GALNT17: variants seen among roughly 807,000 people sequenced by gnomAD.
The protein encoded by GALNT17 is polypeptide N-acetylgalactosaminyltransferase 17, also known as UDP-GalNAc:polypeptide N-acetylgalactosaminyltransferase-like 3.
Under a neutral mutation model 63.7 loss-of-function variants are expected in GALNT17, and 29 were observed. The observed-to-expected ratio is 0.46, with a 90% CI of 0.34 to 0.62. The LOEUF (loss-of-function observed/expected upper bound fraction) is 0.62. Among genes scored for constraint, GALNT17 ranks in the 20% least tolerant of loss-of-function variants. GALNT17 has a pLI of 0.01. For missense variants in GALNT17, 603 were observed against 799.6 expected (o/e 0.75, Z 2.97); for synonymous variants, 305 against 318.3 (o/e 0.96, Z 0.45).
At chr7:71,253,769 T>C (rs186401308) in intron 1 of GALNT17, among the ~76,000 whole-genome samples, 2 of 152,280 alleles carry the variant, frequency 1.3e-5, no homozygotes, top group African/African-American at 4.8e-5. Flanking sequence ...ACTCTGATTC[T>C]AAAAAATTTC....
At chr7:71,204,331 T>C (rs1440134754) in intron 1 of GALNT17, among the ~76,000 whole-genome samples, 1 of 152,172 alleles carries the variant, frequency 6.6e-6, no homozygotes, top group Non-Finnish European at 1.5e-5. Flanking sequence ...TCAGGTAGTG[T>C]GATGCCTCCA....
At chr7:71,395,965 C>G (rs1793131274) in intron 3 of GALNT17, among the ~76,000 whole-genome samples, 1 of 152,094 alleles carries the variant, frequency 6.6e-6, no homozygotes, top group Admixed American at 6.5e-5. Context: ...ATTATTGACT[C>G]ATAATTATTC....
At chr7:71,329,754 C>T (rs1213748074) in intron 1 of GALNT17, among the ~76,000 whole-genome samples, 1 of 151,894 alleles carries the variant, frequency 6.6e-6, no homozygotes, top group Non-Finnish European at 1.5e-5. Context: ...GAAATTCGAC[C>T]CCATGATGTA....
intron 5 of GALNT17, among the ~76,000 whole-genome samples, chr7:71,539,761 C>T (rs1385003013): frequency 2.7e-5 from 3 of 112,850 alleles, no homozygotes; most frequent in African/African-American, 3.5e-5. Flanking sequence ...GTTGCCTGGG[C>T]GCATGATCAC....
chr7:71,225,554 G>T (rs1023841825), intron 1 of GALNT17, among the ~76,000 whole-genome samples: 3 of 152,212 alleles, frequency 2.0e-5, no homozygotes, highest in African/African-American at 7.2e-5. Context: ...TGAGCTGCAT[G>T]TTAGCTTTCA....
intron 9 of GALNT17, among the ~76,000 whole-genome samples, chr7:71,705,919 C>A (rs1387436862): frequency 6.6e-6 from 1 of 152,110 alleles, no homozygotes; most frequent in Admixed American, 6.6e-5. Context: ...AAGAGACGCT[C>A]AAGGAAGGAG....
intron 5 of GALNT17, among the ~76,000 whole-genome samples, chr7:71,505,296 C>T (rs921696236): frequency 7.2e-5 from 11 of 152,088 alleles, no homozygotes; most frequent in Non-Finnish European, 1.6e-4. Context: ...CTTCTCATCC[C>T]TCAGAAGTCA....
chr7:71,503,591 T>C (rs1215229330), intron 5 of GALNT17, among the ~76,000 whole-genome samples: 3 of 152,148 alleles, frequency 2.0e-5, no homozygotes. Context: ...CTGGGAATTA[T>C]CTCTTGGGAA....
At chr7:71,672,020 T>G (rs1316174602) in intron 8 of GALNT17, among the ~76,000 whole-genome samples, 1 of 78,704 alleles carries the variant, frequency 1.3e-5, no homozygotes, top group Non-Finnish European at 2.6e-5. Flanking sequence ...AGAGTGAGAC[T>G]CTGTCTCAAA....
intron 1 of GALNT17, among the ~76,000 whole-genome samples, chr7:71,279,677 G>C (rs1387026716): frequency 6.6e-6 from 1 of 151,698 alleles, no homozygotes; most frequent in Non-Finnish European, 1.5e-5. Context: ...ACTCTGTTCT[G>C]TCTGACTTCA....
intron 6 of GALNT17, among the ~76,000 whole-genome samples, chr7:71,632,866 G>A (rs1790471780): frequency 6.6e-6 from 1 of 151,982 alleles, no homozygotes; most frequent in African/African-American, 2.4e-5. Flanking sequence ...CAATTTGGGA[G>A]GCTGAGGTGG....
chr7:71,279,673 T>C (rs1459188223), intron 1 of GALNT17, among the ~76,000 whole-genome samples: 1 of 151,888 alleles, frequency 6.6e-6, no homozygotes, highest in Non-Finnish European at 1.5e-5. Flanking sequence ...GCAAACTCTG[T>C]TCTGTCTGAC....
At chr7:71,422,784 G>A (rs1486286586) in intron 5 of GALNT17, among the ~76,000 whole-genome samples, 2 of 152,232 alleles carry the variant, frequency 1.3e-5, no homozygotes, top group Non-Finnish European at 2.9e-5. Context: ...AGGGCTTTCT[G>A]TATCCTGGGT....
intron 7 of GALNT17, among the ~76,000 whole-genome samples, chr7:71,666,850 T>C (rs2117049367): frequency 6.6e-6 from 1 of 152,340 alleles, no homozygotes; most frequent in South Asian, 2.1e-4. Context: ...TAAAAAATAT[T>C]TTCAGTCTGC....
intron 2 of GALNT17, among the ~76,000 whole-genome samples, chr7:71,337,170 G>A (rs1022272296): frequency 1.3e-5 from 2 of 152,038 alleles, no homozygotes; most frequent in Non-Finnish European, 2.9e-5. Context: ...TACAGATTAT[G>A]AGCCTATGAT....
chr7:71,177,134 G>T (rs10226342), intron 1 of GALNT17, among the ~76,000 whole-genome samples: 11,289 of 151,904 alleles, frequency 0.074, 1,365 homozygotes, highest in African/African-American at 0.26. Context: ...CTGTCGGAGA[G>T]CGGGGCCAAG....
intron 1 of GALNT17, among the ~76,000 whole-genome samples, chr7:71,331,004 G>A (rs767027263): frequency 5.9e-5 from 9 of 152,136 alleles, no homozygotes; most frequent in African/African-American, 2.2e-4. Flanking sequence ...CACCTCTGCT[G>A]TCTGAACCTC....
intron 1 of GALNT17, among the ~76,000 whole-genome samples, chr7:71,264,700 A>G (rs1387772435): frequency 6.6e-6 from 1 of 152,132 alleles, no homozygotes; most frequent in Non-Finnish European, 1.5e-5. Context: ...GCTGGAGGTC[A>G]CTATGTTAAG....
rs112478750 is a variant in GALNT17, at chr7:71,535,947, G to T, written c.963-35338G>T. On this transcript the variant is annotated intron_variant, in intron 5 of 10. Transcript: ENST00000333538. ...CAACAGTTAGAATTTTTGACTCTGT[G>T]TACTGTAACACTGGAGCGGTGTCTA... is the stretch of plus-strand genomic sequence containing the variant. Among the ~76,000 whole-genome samples, 799 of 152,242 alleles carry T rather than the reference G, an allele frequency of 5.2e-3. 7 individuals are homozygous for T. Among genetic ancestry groups the T allele is most frequent in the African/African-American group, 0.018 (740 of 41,548 alleles).
Sources: allele counts gnomAD v4.1 joint callset (sites outside exome capture counted in the v4.1 genomes callset), GRCh38; gene constraint gnomAD v4.1.1; transcripts MANE v1.5; gene names NCBI Gene and HGNC (gene_info 2026-07-23, HGNC 2026-07-21).